DDX60: variants seen among roughly 807,000 people sequenced by gnomAD.
DDX60 encodes probable ATP-dependent RNA helicase DDX60.
In DDX60, 165 loss-of-function variants were observed where a neutral mutation model predicts 212.8. The ratio of observed to expected loss-of-function variants is 0.78; its 90% CI spans 0.68 to 0.88. The LOEUF (loss-of-function observed/expected upper bound fraction) is 0.88, where lower values mean the gene tolerates loss of function less well. Among genes scored for constraint, DDX60 ranks in the 40% least tolerant of loss-of-function variants. DDX60 has a pLI of 0.00. For synonymous variants in DDX60, 703 were observed against 685.3 expected (o/e 1.03, Z -0.40); for missense variants, 1,905 against 2,003.9 (o/e 0.95, Z 0.94).
intron 8 of DDX60, among the ~76,000 whole-genome samples, chr4:168,289,794 A>G (rs183730455): frequency 1.2e-4 from 19 of 152,216 alleles, no homozygotes; most frequent in South Asian, 8.3e-4. Context: ...CCCATATTCA[A>G]TCACTAAACT....
intron 6 of DDX60, among the ~76,000 whole-genome samples, chr4:168,299,202 T>C (rs1438966747): frequency 1.4e-5 from 2 of 145,866 alleles, no homozygotes; most frequent in Non-Finnish European, 3.0e-5. Context: ...CGTGCTTTAA[T>C]CTGGAACTTA....
intron 25 of DDX60, among the ~76,000 whole-genome samples, chr4:168,257,154 A>T (rs78656760): frequency 0.028 from 4,213 of 152,222 alleles, 207 homozygotes; most frequent in African/African-American, 0.095. Flanking sequence ...GTGACACAGA[A>T]TTCAAAAATG....
intron 14 of DDX60, among the ~76,000 whole-genome samples, chr4:168,279,495 C>T (rs561062334): frequency 6.6e-6 from 1 of 152,308 alleles, no homozygotes; most frequent in East Asian, 1.9e-4. Flanking sequence ...TGATAAGGTG[C>T]TGGAAATTAT....
chr4:168,252,412 A>T, intron 27 of DDX60, 97 bp downstream of exon 27: 1 of 1,390,686 alleles, frequency 7.2e-7, no homozygotes, highest in Non-Finnish European at 1.0e-6. Flanking sequence ...ATTATGTATT[A>T]TATTATGCAT....
At chr4:168,324,213 G>C in the DDX60 span, among the ~76,000 whole-genome samples, 1 of 152,218 alleles carries the variant, frequency 6.6e-6, no homozygotes, top group Non-Finnish European at 1.5e-5. Context: ...TGGGCAACTG[G>C]ATAGAAAAGG....
intron 32 of DDX60, among the ~76,000 whole-genome samples, chr4:168,236,978 T>C (rs1733651214): frequency 6.6e-6 from 1 of 151,236 alleles, no homozygotes; most frequent in Non-Finnish European, 1.5e-5. Context: ...ATATATTATA[T>C]TTAATTAGAA....
intron 30 of DDX60, among the ~76,000 whole-genome samples, chr4:168,242,863 T>C (rs1733898005): frequency 1.3e-5 from 2 of 152,112 alleles, no homozygotes; most frequent in Non-Finnish European, 2.9e-5. Flanking sequence ...TTTGGCTGTG[T>C]CCCCACCCAA....
chr4:168,278,869 C>T (rs1294862948), intron 14 of DDX60, among the ~76,000 whole-genome samples: 2 of 152,114 alleles, frequency 1.3e-5, no homozygotes, highest in Non-Finnish European at 2.9e-5. Context: ...GAAGAGGCTC[C>T]ATCTGCCAAT....
chr4:168,291,574 T>C lies in DDX60; in HGVS notation c.1041+174A>G, dbSNP rs1024637673. Among the ~76,000 whole-genome samples the C allele has an allele frequency of 2.6e-5, 4 of 152,350 alleles. 1 individual carries two copies. On this transcript the variant is annotated intron_variant, in intron 8 of 37. Coordinates refer to ENST00000393743, the MANE Select transcript of DDX60 (RefSeq NM_017631.6). ...GTTAGATATATATCATGCTATTTGT[T>C]AGTTCTCCTAAACATAGATGCTGAA...
Position 168,285,323 on chromosome 4 carries a change from A to G in DDX60, c.1445+70T>C. On this transcript the variant is annotated intron_variant, in intron 11 of 37. Coordinates refer to ENST00000393743, the MANE Select transcript of DDX60 (RefSeq NM_017631.6). ...ATGTACTCTAATCGTCTGCATTTCA[A>G]ATAATCCTCGTTGAGTAACTCATGT... 5.5e-6 allele frequency: 5 copies of G among 905,430 alleles called. No homozygotes were observed. In the South Asian group the frequency reaches 7.5e-5, roughly 14 times the overall value. The allele number at this position is 905,430 out of a possible 1,614,324, so 56.1% of individuals were successfully genotyped here.
At position 168,275,686 on chromosome 4, in the gene DDX60, C is replaced by T. The variant is rs185880819; in HGVS notation, c.2146-183G>A. The stretch of plus-strand genomic sequence containing the variant: ...GTAGACATCAAGATTTTCAAATATA[C>T]GTCATGATATTTGTGGCTACAACCT... On this transcript the variant is annotated intron_variant, in intron 15 of 37. Transcript: ENST00000393743. Among the ~76,000 whole-genome samples the T allele has an allele frequency of 1.8e-4, 27 of 152,110 alleles. 1 individual carries two copies. Among genetic ancestry groups the T allele is most frequent in the Admixed American group, 5.9e-4 (9 of 15,282 alleles).
chr4:168,249,147 C>A (rs1734128733), intron 28 of DDX60, among the ~76,000 whole-genome samples: 1 of 152,112 alleles, frequency 6.6e-6, no homozygotes, highest in Non-Finnish European at 1.5e-5. Flanking sequence ...TGGACAATTA[C>A]CTATTTTGTC....
chr4:168,271,612 C>T (rs1735100234), intron 19 of DDX60, among the ~76,000 whole-genome samples: 3 of 152,214 alleles, frequency 2.0e-5, no homozygotes, highest in African/African-American at 4.8e-5. Context: ...AAATACACTT[C>T]TTGAATTATT....
intron 9 of DDX60, among the ~76,000 whole-genome samples, chr4:168,287,692 GT>G (rs1735920912): frequency 6.6e-6 from 1 of 151,910 alleles, no homozygotes; most frequent in African/African-American, 2.4e-5. Flanking sequence ...ATATGTTTTT[GT>G]TTTGTTTTGT....
In DDX60 at chr4:168,300,137, T is replaced by C. The variant is rs190618809; in HGVS notation, c.723+2163A>G. ...TTCCAGTAATATAGAGTTGCTTCAA[T>C]ACAGGGAAAATCATTAATACAATAC... On this transcript the variant is annotated intron_variant, in intron 6 of 37. Transcript: ENST00000393743. Among the ~76,000 whole-genome samples the C allele has an allele frequency of 1.0e-3, 133 of 133,388 alleles. 1 individual carries two copies. The highest frequency in any genetic ancestry group is 6.5e-4 in the Non-Finnish European group (41 of 63,528). 87.5% of individuals were successfully genotyped at this position (133,388 alleles called of 152,430 possible).
chr4:168,307,743 G>C (rs547031023), intron 4 of DDX60, among the ~76,000 whole-genome samples: 1 of 152,120 alleles, frequency 6.6e-6, no homozygotes, highest in Admixed American at 6.5e-5. Context: ...CAACTGGGCC[G>C]CTATTGAGGA....
At chr4:168,269,468 G>A (rs865870721) in intron 19 of DDX60, among the ~76,000 whole-genome samples, 1 of 152,124 alleles carries the variant, frequency 6.6e-6, no homozygotes, top group Non-Finnish European at 1.5e-5. Context: ...GGGCGTGGTG[G>A]TGGGTGCCTG....
intron 33 of DDX60, among the ~76,000 whole-genome samples, chr4:168,233,610 T>C (rs1438126687): frequency 1.3e-5 from 2 of 151,996 alleles, no homozygotes; most frequent in African/African-American, 4.8e-5. Flanking sequence ...AACTCAGGAA[T>C]TGAAAACCAA....
chr4:168,312,241 C>T (rs1201853422), intron 1 of DDX60, among the ~76,000 whole-genome samples: 1 of 152,096 alleles, frequency 6.6e-6, no homozygotes, highest in Non-Finnish European at 1.5e-5. Flanking sequence ...AACAAGGCTA[C>T]GTGTCAGGAA....
Sources: gnomAD v4.1 joint callset for allele counts (sites outside exome capture counted in the v4.1 genomes callset) on GRCh38, gnomAD v4.1.1 for gene constraint, MANE v1.5 for transcripts, NCBI Gene and HGNC (gene_info 2026-07-23, HGNC 2026-07-21) for gene names.